CCDC102B: variants seen among roughly 807,000 people sequenced by gnomAD.
CCDC102B encodes the protein coiled-coil domain-containing protein 102B.
In CCDC102B, 75 loss-of-function variants were observed where a neutral mutation model predicts 57.4. The ratio of observed to expected loss-of-function variants is 1.31; its 90% CI spans 1.08 to 1.58. The LOEUF (loss-of-function observed/expected upper bound fraction) is 1.58, where lower values mean the gene tolerates loss of function less well. Among genes scored for constraint, CCDC102B ranks in the 40% most tolerant of loss-of-function variants. The pLI is 0.00. For synonymous variants in CCDC102B, 206 were observed against 201.9 expected (o/e 1.02, Z -0.17); for missense variants, 636 against 582.6 (o/e 1.09, Z -0.94).
At chr18:68,890,719 G>A (rs117290579) in intron 5 of CCDC102B, among the ~76,000 whole-genome samples, 1,625 of 152,000 alleles carry the variant, frequency 0.011, 37 homozygotes, top group East Asian at 0.08. Flanking sequence ...CTATTGTGTC[G>A]GCCTTGTTTT....
At chr18:68,756,178 AAAT>A (rs1344515020) in intron 2 of CCDC102B, among the ~76,000 whole-genome samples, 13 of 151,918 alleles carry the variant, frequency 8.6e-5, no homozygotes, top group Admixed American at 2.0e-4. Flanking sequence ...AAATAAGAAC[AAAT>A]AATATGAGAA....
rs530124164 is a variant in CCDC102B at position 68,745,176 on chromosome 18, GC to G, written c.-67+28583del. On this transcript the variant is annotated intron_variant, in intron 2 of 3. Coordinates refer to the CCDC102B transcript ENST00000578970. ...TGTAATTTGAGAAGAAGTGGGGTGT[GC>G]TTGGTTCAGCTCACATATTTCTCTT... 2.0e-5 allele frequency among the ~76,000 whole-genome samples: 3 copies of G among 152,174 alleles called. No individual in the cohort carries two copies. The East Asian group carries it at 5.8e-4, about 30-fold the overall frequency.
intron 1 of CCDC102B, among the ~76,000 whole-genome samples, chr18:68,815,101 T>A (rs1386821979): frequency 6.6e-6 from 1 of 152,184 alleles, no homozygotes; most frequent in African/African-American, 2.4e-5. Flanking sequence ...AATCATACAA[T>A]AATAAACATG....
intron 6 of CCDC102B, among the ~76,000 whole-genome samples, chr18:68,967,422 C>T (rs2050192470): frequency 6.6e-6 from 1 of 151,556 alleles, no homozygotes; most frequent in South Asian, 2.1e-4. Context: ...AAGTCTTTAG[C>T]ACAAATTCAC....
rs1195718173 is a variant in CCDC102B at position 68,956,460 on chromosome 18, TTTATATATATA to T, written c.1264-54461_1264-54451del. Among the ~76,000 whole-genome samples the T allele has an allele frequency of 2.3e-4, 2 of 8,788 alleles. 1 individual carries two copies. The highest frequency in any genetic ancestry group is 9.6e-4 in the African/African-American group (2 of 2,082). 5.8% of individuals were successfully genotyped at this position (8,788 alleles called of 152,430 possible). ...TATATATATTATATATATTATATATTTTATATATATATTATATATATATAATATATATATAA... is the reference window on the plus strand; with the variant it reads ...TATATATATTATATATATTATATATTTTATATATATATAATATATATATAA... On this transcript the variant is annotated intron_variant, in intron 6 of 7. Transcript: ENST00000360242.
chr18:68,772,746 G>A (rs1055980142), intron 2 of CCDC102B, among the ~76,000 whole-genome samples: 1 of 152,120 alleles, frequency 6.6e-6, no homozygotes, highest in African/African-American at 2.4e-5. Context: ...AGGAATGTTA[G>A]CAGAGTATAG....
chr18:68,964,489 A>G (rs2050122117), intron 6 of CCDC102B, among the ~76,000 whole-genome samples: 1 of 151,178 alleles, frequency 6.6e-6, no homozygotes, highest in African/African-American at 2.4e-5. Flanking sequence ...GGCTTTTCTC[A>G]AGTGTTGAAT....
rs1196871132 is a variant in CCDC102B at position 68,733,788 on chromosome 18, T to A, written c.-67+17194T>A. ...TTTACACTTTATTGCATGTTTGCTC[T>A]TTCCACTTTGTGATGCCTCATAAAA... On this transcript the variant is annotated intron_variant, in intron 2 of 3. Coordinates refer to the CCDC102B transcript ENST00000578970. Among the ~76,000 whole-genome samples the A allele has an allele frequency of 2.0e-5, 3 of 152,258 alleles. No homozygotes were observed. The East Asian group carries it at 5.8e-4, about 29-fold the overall frequency.
At position 68,773,171 on chromosome 18, in the gene CCDC102B, GA is replaced by G. The variant is rs200438201; in HGVS notation, c.-66-50185del. On this transcript the variant is annotated intron_variant, in intron 2 of 3. Transcript: ENST00000578970. ...CTTGGAAACAACATTTTCAAAACTA[GA>G]AAAAAAAAATGCCAAGTCAAAAGAA... Among the ~76,000 whole-genome samples, 358 of 148,054 alleles carry G rather than the reference GA, an allele frequency of 2.4e-3. 3 individuals are homozygous for G. In the East Asian group the frequency reaches 0.044, roughly 18 times the overall value.
chr18:68,728,384 G>A (rs201568285), intron 2 of CCDC102B, among the ~76,000 whole-genome samples: 3 of 152,116 alleles, frequency 2.0e-5, no homozygotes, highest in African/African-American at 7.2e-5. Context: ...TTTGCATTTC[G>A]ATATCTGAAT....
At chr18:68,862,696 A>G (rs2038813329) in intron 4 of CCDC102B, among the ~76,000 whole-genome samples, 1 of 152,150 alleles carries the variant, frequency 6.6e-6, no homozygotes. Context: ...AGACTAATAG[A>G]TCTTGCTCTT....
intron 2 of CCDC102B, among the ~76,000 whole-genome samples, chr18:68,793,034 A>G (rs2035513458): frequency 6.6e-6 from 1 of 152,178 alleles, no homozygotes; most frequent in Admixed American, 6.5e-5. Context: ...CTGGGCACAC[A>G]CAGGTTAGTT....
intron 6 of CCDC102B, among the ~76,000 whole-genome samples, chr18:68,914,787 T>G (rs1213494956): frequency 6.6e-6 from 1 of 152,162 alleles, no homozygotes; most frequent in Non-Finnish European, 1.5e-5. Flanking sequence ...CGGATTTTAA[T>G]TTTTAAATTT....
intron 2 of CCDC102B, among the ~76,000 whole-genome samples, chr18:68,788,515 G>T (rs1339376792): frequency 1.3e-5 from 2 of 151,306 alleles, no homozygotes; most frequent in Non-Finnish European, 2.9e-5. Flanking sequence ...TGGTGCTCCT[G>T]TATTGGGTGC....
At chr18:69,030,712 T>C (rs959176060) in intron 7 of CCDC102B, among the ~76,000 whole-genome samples, 21 of 152,332 alleles carry the variant, frequency 1.4e-4, no homozygotes, top group Middle Eastern at 3.4e-3. Context: ...TGGAGTGCAG[T>C]GGCGTGATCT....
At chr18:68,978,731 T>G (rs1416231585) in intron 6 of CCDC102B, among the ~76,000 whole-genome samples, 2 of 152,042 alleles carry the variant, frequency 1.3e-5, no homozygotes, top group East Asian at 3.9e-4. Flanking sequence ...TCTAAACAAC[T>G]GGCAGGAAAG....
chr18:68,757,884 C>CAAACT (rs1243451193), intron 2 of CCDC102B, among the ~76,000 whole-genome samples: 1 of 151,780 alleles, frequency 6.6e-6, no homozygotes, highest in South Asian at 2.1e-4. Context: ...CAATTGGAAG[C>CAAACT]TCCAACTGGG....
Position 68,906,409 on chromosome 18 carries a change from C to G in CCDC102B, c.1263+8981C>G, listed in dbSNP as rs530092715. 3.3e-5 allele frequency among the ~76,000 whole-genome samples: 5 copies of G among 152,278 alleles called. No individual in the cohort carries two copies. In the East Asian group the frequency reaches 9.7e-4, roughly 29 times the overall value. On this transcript the variant is annotated intron_variant, in intron 6 of 7. Transcript: ENST00000360242. ...TGTGGAGGAATCGCCAAATTGTATT[C>G]CATAATGGCGGAACCCATTACCTTT...
At chr18:69,043,053 A>C (rs2052471092) in intron 7 of CCDC102B, among the ~76,000 whole-genome samples, 1 of 152,110 alleles carries the variant, frequency 6.6e-6, no homozygotes, top group Non-Finnish European at 1.5e-5. Context: ...TTTCTCCAAG[A>C]GGGGGATGTG....
Sources: allele counts gnomAD v4.1 joint callset (sites outside exome capture counted in the v4.1 genomes callset), GRCh38; gene constraint gnomAD v4.1.1; transcripts MANE v1.5; gene names NCBI Gene and HGNC (gene_info 2026-07-23, HGNC 2026-07-21).